The following TGM4 variants were observed in gnomAD, a reference collection of about 807,000 sequenced individuals.
TGM4 encodes the protein transglutaminase 4.
In TGM4, 61 loss-of-function variants were observed where a neutral mutation model predicts 76.3. The ratio of observed to expected loss-of-function variants is 0.80; its 90% CI spans 0.65 to 0.99. The LOEUF (loss-of-function observed/expected upper bound fraction) is 0.99, where lower values mean the gene tolerates loss of function less well. Among genes scored for constraint, TGM4 ranks in the 50% least tolerant of loss-of-function variants. TGM4 has a pLI of 0.00. For missense variants in TGM4, 794 were observed against 843.2 expected (o/e 0.94, Z 0.72); for synonymous variants, 337 against 329.8 (o/e 1.02, Z -0.24).
At position 44,902,389 on chromosome 3, in the gene TGM4, G is replaced by A. The variant is rs373225949; in HGVS notation, c.971+458G>A. Among the ~76,000 whole-genome samples, 13 of 152,286 alleles carry A rather than the reference G, an allele frequency of 8.5e-5. No homozygotes were observed. In the East Asian group the frequency reaches 1.9e-3, roughly 23 times the overall value. On this transcript the variant is annotated intron_variant, in intron 8 of 13. Transcript: ENST00000296125. ...GGAGGCTGAGGTGGGTGGATCACGAGGTCAGGAGATTGTGACCATCCTGGC... is the reference window on the plus strand; with the variant it reads ...GGAGGCTGAGGTGGGTGGATCACGAAGTCAGGAGATTGTGACCATCCTGGC...
At chr3:44,877,556 C>G (rs892082382) in intron 1 of TGM4, among the ~76,000 whole-genome samples, 14 of 151,568 alleles carry the variant, frequency 9.2e-5, no homozygotes, top group African/African-American at 3.4e-4. Flanking sequence ...TGCAACACTG[C>G]ACTTCAGCCT....
At position 44,901,553 on chromosome 3, in the gene TGM4, C is replaced by T. The variant is rs1013258146; in HGVS notation, c.687C>T (p.Leu229=). 2 of 1,612,922 alleles carry T rather than the reference C, an allele frequency of 1.2e-6. No individual in the cohort carries two copies. Among genetic ancestry groups the T allele is most frequent in the South Asian group, 1.1e-5 (1 of 90,934 alleles). The change falls in exon 7 of 14, where the codon CTC becomes CTT. Residue 229 remains leucine, a synonymous_variant. Transcript: ENST00000296125. ...MMSFEKGQGV[L]IGNWTGDYEG... is the part of the protein sequence containing the mutation. ...GCTTTGAGAAAGGCCAGGGCGTGCTCATTGGGAATTGGACTGGGGACTACG... is the reference window on the plus strand; with the variant it reads ...GCTTTGAGAAAGGCCAGGGCGTGCTTATTGGGAATTGGACTGGGGACTACG...
chr3:44,900,551 C>T (rs925732008), intron 6 of TGM4, among the ~76,000 whole-genome samples: 15 of 152,186 alleles, frequency 9.9e-5, no homozygotes, highest in Admixed American at 6.5e-4. Flanking sequence ...GTTAAACAAA[C>T]GGACATCTTT....
chr3:44,883,250 C>G (rs1699556578), intron 1 of TGM4, among the ~76,000 whole-genome samples: 1 of 152,154 alleles, frequency 6.6e-6, no homozygotes, highest in Non-Finnish European at 1.5e-5. Flanking sequence ...ATGTCTCCCC[C>G]TAAAATTCAG....
At chr3:44,879,255 CTCTCTCTCTCTATATA>C (rs1263577109) in intron 1 of TGM4, among the ~76,000 whole-genome samples, 491 of 99,912 alleles carry the variant, frequency 4.9e-3, no homozygotes, top group African/African-American at 0.013. Flanking sequence ...CTCTCTCTCT[CTCTCTCTCTCTATATA>C]TATATATATA....
At chr3:44,879,131 G>A (rs1439623780) in intron 1 of TGM4, among the ~76,000 whole-genome samples, 2 of 150,602 alleles carry the variant, frequency 1.3e-5, no homozygotes, top group Admixed American at 6.6e-5. Flanking sequence ...TAGAAGTTAT[G>A]TTTTAAAAAA....
At chr3:44,886,849 G>A (rs1436143657) in intron 2 of TGM4, among the ~76,000 whole-genome samples, 1 of 152,248 alleles carries the variant, frequency 6.6e-6, no homozygotes, top group Non-Finnish European at 1.5e-5. Flanking sequence ...GGCCAGATAT[G>A]ATGAAGAAAC....
chr3:44,911,429 T>C, intron 13 of TGM4, 23 bp downstream of exon 13: 1 of 1,612,912 alleles, frequency 6.2e-7, no homozygotes, highest in Non-Finnish European at 8.5e-7. Flanking sequence ...GAGGTATTCT[T>C]AGAAATATGC....
At chr3:44,903,026 T>C (rs1314219239) in intron 8 of TGM4, among the ~76,000 whole-genome samples, 7 of 152,258 alleles carry the variant, frequency 4.6e-5, no homozygotes, top group Admixed American at 3.9e-4. Flanking sequence ...TTGAAACTTT[T>C]GGAAAGGAGG....
At chr3:44,879,975 T>G (rs186772158) in intron 1 of TGM4, among the ~76,000 whole-genome samples, 70 of 152,052 alleles carry the variant, frequency 4.6e-4, no homozygotes, top group African/African-American at 1.4e-3. Context: ...TTAAATAATT[T>G]TTTTTTAAAG....
chr3:44,878,862 A>G (rs907790517), intron 1 of TGM4, among the ~76,000 whole-genome samples: 10 of 152,172 alleles, frequency 6.6e-5, no homozygotes, highest in Non-Finnish European at 1.0e-4. Flanking sequence ...AAAGTTTTCA[A>G]CCATCACCTC....
intron 5 of TGM4, among the ~76,000 whole-genome samples, chr3:44,894,066 C>A (rs1469977189): frequency 1.3e-5 from 1 of 76,712 alleles, no homozygotes; most frequent in African/African-American, 5.5e-5. Flanking sequence ...TCTTCCACCC[C>A]CCTTGGCCCT....
chr3:44,901,571 G>A lies in TGM4; in HGVS notation c.705G>A (p.Gly235=). The A allele has an allele frequency of 6.2e-7, 1 of 1,613,972 alleles. No homozygotes were observed. Among genetic ancestry groups the A allele is most frequent in the Non-Finnish European group, 8.5e-7 (1 of 1,179,938 alleles). Residue 235 remains glycine (G), a synonymous_variant, in exon 7 of 14, where the codon GGG becomes GGA. Transcript: ENST00000296125. ...GCGTGCTCATTGGGAATTGGACTGG[G>A]GACTACGAAGGTGGCACAGCCCCAT... ...GQGVLIGNWT[G]DYEGGTAPYK...
In TGM4 at chr3:44,890,642, G is replaced by T. The variant is rs777768131; in HGVS notation, c.340G>T (p.Gly114Cys). 6.2e-7 allele frequency: 1 copy of T among 1,614,078 alleles called. No individual in the cohort carries two copies. Among genetic ancestry groups the T allele is most frequent in the Admixed American group, 1.7e-5 (1 of 60,012 alleles). Reference sequence around the variant, plus strand: ...CACCAGTTCCCCCAATGCCATCCTGGGCAAGTACCAACTAAACGTGAAAAC... The same window carrying T: ...CACCAGTTCCCCCAATGCCATCCTGTGCAAGTACCAACTAAACGTGAAAAC... ...AVTSSPNAIL[G>C]KYQLNVKTGN... Residue 114 changes from glycine (G) to cysteine (C), a missense_variant, in exon 4 of 14, where the codon GGC becomes TGC. Physicochemically the swap from Gly to Cys is radical, Grantham distance 159. Coordinates refer to ENST00000296125, the MANE Select transcript of TGM4 (RefSeq NM_003241.4).
At position 44,890,724 on chromosome 3, in the gene TGM4, G is replaced by T. The variant is rs773352417; in HGVS notation, c.422G>T (p.Trp141Leu). The T allele has an allele frequency of 9.9e-6, 16 of 1,613,998 alleles. No individual in the cohort carries two copies. Among genetic ancestry groups the T allele is most frequent in the Admixed American group, 3.3e-5 (2 of 59,996 alleles). The change falls in exon 4 of 14, where the codon TGG (tryptophan) becomes TTG (leucine). Residue 141 changes from tryptophan to leucine, a missense_variant. By Grantham distance (61) the Trp-to-Leu change is moderately conservative. Coordinates refer to ENST00000296125, the MANE Select transcript of TGM4 (RefSeq NM_003241.4). ...ATCCTATACCTTCTCTTCAACCCAT[G>T]GTGTAAAGGTACTGTGAATCTCAGG... Reference protein sequence around the residue: ...ENILYLLFNPWCKEDMVFMPD... With the variant: ...ENILYLLFNPLCKEDMVFMPD...
rs978761938 is a variant in TGM4, at chr3:44,888,807, G to A, written c.300+1012G>A. On this transcript the variant is annotated intron_variant, in intron 3 of 13. Coordinates refer to ENST00000296125, the MANE Select transcript of TGM4 (RefSeq NM_003241.4). The stretch of plus-strand genomic sequence containing the variant: ...TGCACCCTGGAAGGCTGGTTCTCCT[G>A]AGCTCCATTGTAATGAACAGTGAGG... 17 of 152,114 alleles carry A rather than the reference G, an allele frequency of 1.1e-4. No homozygotes were observed. The South Asian group carries it at 2.9e-3, about 26-fold the overall frequency. The allele number at this position is 152,114 out of a possible 1,614,324, so 9.4% of individuals were successfully genotyped here.
chr3:44,904,301 AG>A (rs1332187649), intron 9 of TGM4, among the ~76,000 whole-genome samples: 2 of 152,354 alleles, frequency 1.3e-5, no homozygotes, highest in African/African-American at 4.8e-5. Flanking sequence ...CTTTCAAAGT[AG>A]GTTGTCATTA....
intron 6 of TGM4, 119 bp downstream of exon 6, chr3:44,896,935 CAATT>C: frequency 1.5e-6 from 1 of 651,804 alleles, no homozygotes; most frequent in East Asian, 2.8e-5. Context: ...TATGGCCAAT[CAATT>C]GTTCAAAACT....
chr3:44,879,265 C>CTCTCTCTCTATATATA (rs1482970491), intron 1 of TGM4, among the ~76,000 whole-genome samples: 4 of 92,294 alleles, frequency 4.3e-5, no homozygotes, highest in African/African-American at 1.8e-4. Context: ...CTCTCTCTCT[C>CTCTCTCTCTATATATA]TATATATATA....
Sources: allele counts gnomAD v4.1 joint callset (sites outside exome capture counted in the v4.1 genomes callset), GRCh38; gene constraint gnomAD v4.1.1; transcripts MANE v1.5; gene names NCBI Gene and HGNC (gene_info 2026-07-23, HGNC 2026-07-21).